The following ARID4B variants were observed in gnomAD, a reference collection of about 807,000 sequenced individuals.
The protein encoded by ARID4B is AT-rich interaction domain 4B.
ARID4B carries 26 observed loss-of-function variants against 147.5 expected under a neutral mutation model. The ratio of observed to expected loss-of-function variants is 0.18; its 90% CI spans 0.13 to 0.24. ARID4B has a LOEUF of 0.24. ARID4B is among the 10% of genes least tolerant of loss of function. The pLI is 1.00. For synonymous variants in ARID4B, 512 were observed against 507.9 expected (o/e 1.01, Z -0.11); for missense variants, 1,179 against 1,511.5 (o/e 0.78, Z 3.65).
chr1:235,178,656 T>G (rs920964446), intron 20 of ARID4B, among the ~76,000 whole-genome samples: 6 of 152,204 alleles, frequency 3.9e-5, no homozygotes, highest in Admixed American at 6.5e-5. Flanking sequence ...ATTTGGTCCT[T>G]AACATCTGCT....
chr1:235,303,757 G>A (rs1673353976), intron 2 of ARID4B, among the ~76,000 whole-genome samples: 1 of 152,094 alleles, frequency 6.6e-6, no homozygotes, highest in African/African-American at 2.4e-5. Flanking sequence ...AAAGAACAAA[G>A]ATTAACCAAA....
In ARID4B at chr1:235,326,964, T is replaced by C. The variant is rs368428441; in HGVS notation, c.-45A>G. The stretch of plus-strand genomic sequence containing the variant: ...TATCCTCTAAAACACCAGGTTCAGC[T>C]GCACCTGGAGGGGAAACAAAAGACA... On this transcript the variant is annotated 5_prime_UTR_variant, in exon 2 of 24. Transcript: ENST00000264183. 11 of 1,610,446 alleles carry C rather than the reference T, an allele frequency of 6.8e-6. No homozygotes were observed. The highest frequency in any genetic ancestry group is 9.3e-6 in the Non-Finnish European group (11 of 1,176,944).
intron 12 of ARID4B, 122 bp from the exon 13 acceptor site, chr1:235,223,382 T>TATATACACACGTATATATATATATAC (rs71172272): frequency 9.4e-6 from 2 of 211,900 alleles, no homozygotes; most frequent in Admixed American, 1.3e-4. Flanking sequence ...TATATATATA[T>TATATACACACGTATATATATATATAC]ACACGTATAT....
At chr1:235,235,708 G>A (rs920365635) in intron 8 of ARID4B, among the ~76,000 whole-genome samples, 4 of 152,046 alleles carry the variant, frequency 2.6e-5, no homozygotes, top group Non-Finnish European at 5.9e-5. Flanking sequence ...ATTAGAAGAG[G>A]AGAACCTGGT....
At chr1:235,313,336 A>AATTTT (rs2103283719) in intron 2 of ARID4B, among the ~76,000 whole-genome samples, 1 of 135,272 alleles carries the variant, frequency 7.4e-6, no homozygotes, top group Non-Finnish European at 1.7e-5. Flanking sequence ...GCCTAAGTTG[A>AATTTT]ATTTTTTTTT....
chr1:235,294,963 AATT>A (rs1472313758), intron 2 of ARID4B, among the ~76,000 whole-genome samples: 77 of 151,620 alleles, frequency 5.1e-4, no homozygotes, highest in African/African-American at 1.6e-3. Flanking sequence ...ATACACAGAG[AATT>A]ATTATTTCAA....
chr1:235,269,931 T>C (rs1479841613), intron 2 of ARID4B, among the ~76,000 whole-genome samples: 2 of 152,090 alleles, frequency 1.3e-5, no homozygotes, highest in African/African-American at 4.8e-5. Flanking sequence ...CTCATTTTTG[T>C]TTTTGTTTTT....
At chr1:235,235,478 T>C (rs1668493207) in intron 8 of ARID4B, among the ~76,000 whole-genome samples, 1 of 152,234 alleles carries the variant, frequency 6.6e-6, no homozygotes, top group African/African-American at 2.4e-5. Flanking sequence ...GTGATAGCTT[T>C]GGCCAGTGAT....
chr1:235,221,795 A>G (rs1667480578), intron 13 of ARID4B, 133 bp from the exon 14 acceptor site: 1 of 401,384 alleles, frequency 2.5e-6, no homozygotes, highest in African/African-American at 2.1e-5. Flanking sequence ...TAAAAACTTG[A>G]TAAATTCTAA....
At chr1:235,285,706 CA>C (rs1671928908) in intron 2 of ARID4B, among the ~76,000 whole-genome samples, 1 of 152,174 alleles carries the variant, frequency 6.6e-6, no homozygotes, top group African/African-American at 2.4e-5. Flanking sequence ...AAGGAATCTA[CA>C]AAAATCCTGC....
intron 17 of ARID4B, among the ~76,000 whole-genome samples, chr1:235,199,472 A>G (rs1386032548): frequency 6.6e-6 from 1 of 152,234 alleles, no homozygotes; most frequent in African/African-American, 2.4e-5. Flanking sequence ...TTAAAAATTT[A>G]TCAGGGCCTT....
At chr1:235,192,341 C>G (rs958030069) in intron 19 of ARID4B, among the ~76,000 whole-genome samples, 1 of 152,152 alleles carries the variant, frequency 6.6e-6, no homozygotes, top group Non-Finnish European at 1.5e-5. Flanking sequence ...AGGAGACATA[C>G]TACATGTTTT....
intron 19 of ARID4B, among the ~76,000 whole-genome samples, chr1:235,188,605 GA>G (rs1399319494): frequency 6.6e-6 from 1 of 152,048 alleles, no homozygotes; most frequent in Non-Finnish European, 1.5e-5. Flanking sequence ...AAATTAGGGG[GA>G]TTCATGAACA....
rs769324747 is a variant in ARID4B, at chr1:235,181,956, G to A, written c.2963C>T (p.Pro988Leu). ...CSPSVELEKPPPVNVDSKPIE... is the reference protein window; with the variant it reads ...CSPSVELEKPLPVNVDSKPIE... ...GGGTTTACTATCGACATTGACTGGA[G>A]GTGGTTTTTCTAGTTCTACACTGGG... The change falls in exon 20 of 24, where the codon CCT (proline) becomes CTT (leucine). Residue 988 changes from proline to leucine, a missense_variant. Coordinates refer to ENST00000264183, the MANE Select transcript of ARID4B (RefSeq NM_016374.6). 4 of 1,614,036 alleles carry A rather than the reference G, an allele frequency of 2.5e-6. No individual in the cohort carries two copies. The South Asian group carries it at 3.3e-5, about 13-fold the overall frequency.
intron 2 of ARID4B, among the ~76,000 whole-genome samples, chr1:235,310,060 T>G (rs1388292244): frequency 1.3e-5 from 2 of 152,044 alleles, no homozygotes; most frequent in East Asian, 3.9e-4. Flanking sequence ...CAGGGTCCTC[T>G]GCCTAGGAAA....
chr1:235,275,356 A>ATG (rs1671252730), intron 2 of ARID4B, among the ~76,000 whole-genome samples: 1 of 152,222 alleles, frequency 6.6e-6, no homozygotes, highest in Non-Finnish European at 1.5e-5. Flanking sequence ...TAGAGAAAGG[A>ATG]TGTGATGCAG....
chr1:235,268,605 T>C (rs982291286), intron 2 of ARID4B, among the ~76,000 whole-genome samples: 1 of 152,104 alleles, frequency 6.6e-6, no homozygotes, highest in Non-Finnish European at 1.5e-5. Context: ...ATCGGCTCAC[T>C]GTAACCTCTG....
intron 5 of ARID4B, among the ~76,000 whole-genome samples, chr1:235,254,481 AAATTT>A (rs1669827428): frequency 6.6e-6 from 1 of 151,972 alleles, no homozygotes; most frequent in Non-Finnish European, 1.5e-5. Flanking sequence ...AAATAAAAAT[AAATTT>A]AAAAAGTATA....
intron 8 of ARID4B, among the ~76,000 whole-genome samples, chr1:235,239,126 C>G (rs1222211546): frequency 6.6e-6 from 1 of 152,028 alleles, no homozygotes; most frequent in Non-Finnish European, 1.5e-5. Flanking sequence ...TGTGCCACCA[C>G]AGCCAGCTAA....
Sources: gnomAD v4.1 joint callset for allele counts (sites outside exome capture counted in the v4.1 genomes callset) on GRCh38, gnomAD v4.1.1 for gene constraint, MANE v1.5 for transcripts, NCBI Gene and HGNC (gene_info 2026-07-23, HGNC 2026-07-21) for gene names.